The following CADM1 variants were observed in gnomAD, a reference collection of about 807,000 sequenced individuals.
CADM1 encodes TSLC-1.
CADM1 carries 15 observed loss-of-function variants against 53.1 expected under a neutral mutation model. The observed-to-expected ratio is 0.28, with a 90% CI of 0.19 to 0.44. CADM1 has a LOEUF of 0.44. Ranked by LOEUF, CADM1 falls within the 20% of genes least tolerant of loss-of-function variation. CADM1 has a pLI of 1.00. For synonymous variants in CADM1, 281 were observed against 243.0 expected (o/e 1.16, Z -1.45); for missense variants, 434 against 611.3 (o/e 0.71, Z 3.06).
In CADM1 at chr11:115,176,408, A is replaced by G. The variant is rs1445765121; in HGVS notation, c.*66T>C. ...ACACACGAATTTCTCGCAAGTTCCA[A>G]TATCACTGTCTCTTTATCATCTAAA... On this transcript the variant is annotated 3_prime_UTR_variant, in exon 12 of 12. Transcript: ENST00000331581. 20 of 1,609,046 alleles carry G rather than the reference A, an allele frequency of 1.2e-5. No homozygotes were observed. Among genetic ancestry groups the G allele is most frequent in the African/African-American group, 9.3e-5 (7 of 74,922 alleles).
intron 1 of CADM1, among the ~76,000 whole-genome samples, chr11:115,273,346 C>G (rs1168150639): frequency 6.6e-6 from 1 of 152,118 alleles, no homozygotes; most frequent in East Asian, 1.9e-4. Context: ...AATTCAGAAA[C>G]ATCTCTTAAA....
intron 1 of CADM1, among the ~76,000 whole-genome samples, chr11:115,379,591 T>C (rs1268775461): frequency 6.6e-6 from 1 of 152,218 alleles, no homozygotes; most frequent in African/African-American, 2.4e-5. Context: ...CCAATAAAGC[T>C]AAGCCCCTTA....
rs12287015 is a variant in CADM1, at chr11:115,405,406, G to A, written c.124+98865C>T. Reference sequence around the variant, plus strand: ...TGCTACCAGCCATGAGCACAATCACGTGGGAGAGCTTTATCCAAGAAAGCC... The same window carrying A: ...TGCTACCAGCCATGAGCACAATCACATGGGAGAGCTTTATCCAAGAAAGCC... On this transcript the variant is annotated intron_variant, in intron 1 of 11. Transcript: ENST00000331581. Among the ~76,000 whole-genome samples, 936 of 152,226 alleles carry A rather than the reference G, an allele frequency of 6.1e-3. 10 individuals carry two copies. Among genetic ancestry groups the A allele is most frequent in the African/African-American group, 0.021 (889 of 41,534 alleles).
intron 1 of CADM1, among the ~76,000 whole-genome samples, chr11:115,458,588 AG>A (rs1948729986): frequency 6.6e-6 from 1 of 151,400 alleles, no homozygotes; most frequent in Non-Finnish European, 1.5e-5. Context: ...GCTAGACAAA[AG>A]TCCCTGGAAT....
At chr11:115,456,035 T>C (rs1435746566) in intron 1 of CADM1, among the ~76,000 whole-genome samples, 2 of 152,182 alleles carry the variant, frequency 1.3e-5, no homozygotes, top group Admixed American at 1.3e-4. Context: ...GTGATTAGTT[T>C]CTCTCCTGAG....
At chr11:115,335,729 T>C (rs1945251047) in intron 1 of CADM1, among the ~76,000 whole-genome samples, 1 of 152,170 alleles carries the variant, frequency 6.6e-6, no homozygotes, top group African/African-American at 2.4e-5. Flanking sequence ...CACTGAGTTA[T>C]GCAGCACTCT....
intron 1 of CADM1, among the ~76,000 whole-genome samples, chr11:115,246,914 T>C (rs1468442634): frequency 6.6e-6 from 1 of 152,212 alleles, no homozygotes; most frequent in Non-Finnish European, 1.5e-5. Context: ...AATTTTTGAA[T>C]GGCAAGTTTA....
rs1224104810 is a variant in CADM1 at position 115,214,695 on chromosome 11, G to C, written c.907C>G (p.Leu303Val). 1 of 1,613,844 alleles carries C rather than the reference G, an allele frequency of 6.2e-7. No individual in the cohort carries two copies. The highest frequency in any genetic ancestry group is 1.3e-5 in the African/African-American group (1 of 74,894). ...TATGTACCATTATCTGTTTTGTTTA[G>C]GTTATTGATGAACAGGTTGGGCCCA... is the stretch of plus-strand genomic sequence containing the variant. ...LSGPNLFINNLNKTDNGTYRC... is the reference protein window; with the variant it reads ...LSGPNLFINNVNKTDNGTYRC... The change falls in exon 7 of 12, where the codon CTA becomes GTA. Residue 303 changes from leucine (L) to valine (V), a missense_variant. Around this residue, in one of 4 missense-constraint regions of CADM1, gnomAD observed 311 missense variants for 435.1 expected, o/e 0.71. Transcript: ENST00000331581.
rs138666263 is a variant in CADM1, at chr11:115,285,328, G to A, written c.125-44908C>T. 4.8e-3 allele frequency among the ~76,000 whole-genome samples: 736 copies of A among 152,286 alleles called. 4 individuals are homozygous for A. Among genetic ancestry groups the A allele is most frequent in the African/African-American group, 0.016 (667 of 41,550 alleles). The stretch of plus-strand genomic sequence containing the variant: ...ATATAGCTCATAATATGTAAACTTC[G>A]TTGTGTACCTACTCTGTGCTACAAA... On this transcript the variant is annotated intron_variant, in intron 1 of 11. Transcript: ENST00000331581.
intron 1 of CADM1, among the ~76,000 whole-genome samples, chr11:115,354,859 A>G (rs1214845932): frequency 2.0e-5 from 3 of 152,150 alleles, no homozygotes; most frequent in Non-Finnish European, 4.4e-5. Context: ...ATTAGTAATA[A>G]TTAACTTAAT....
At chr11:115,414,371 T>C (rs1191907311) in intron 1 of CADM1, among the ~76,000 whole-genome samples, 1 of 152,094 alleles carries the variant, frequency 6.6e-6, no homozygotes, top group African/African-American at 2.4e-5. Context: ...CAGAAACCAC[T>C]TAAAAAATTA....
intron 1 of CADM1, among the ~76,000 whole-genome samples, chr11:115,391,704 T>C (rs1017221234): frequency 2.0e-5 from 3 of 152,182 alleles, no homozygotes; most frequent in African/African-American, 7.2e-5. Flanking sequence ...GAAATCTCAC[T>C]CCACCCTCAG....
At chr11:115,434,001 C>T (rs569316283) in intron 1 of CADM1, among the ~76,000 whole-genome samples, 5 of 152,238 alleles carry the variant, frequency 3.3e-5, no homozygotes, top group African/African-American at 1.2e-4. Flanking sequence ...AATTTTAATG[C>T]TAAGATCTTT....
At chr11:115,251,413 G>A (rs1349210655) in intron 1 of CADM1, among the ~76,000 whole-genome samples, 1 of 150,380 alleles carries the variant, frequency 6.6e-6, no homozygotes, top group African/African-American at 2.4e-5. Flanking sequence ...CAGAGTGAAT[G>A]TCAGTTTCAA....
chr11:115,364,718 T>C (rs1946114978), intron 1 of CADM1, among the ~76,000 whole-genome samples: 1 of 152,212 alleles, frequency 6.6e-6, no homozygotes, highest in African/African-American at 2.4e-5. Context: ...ACCTCTGCAA[T>C]TTTATTTCAC....
At chr11:115,417,698 C>G (rs904473492) in intron 1 of CADM1, among the ~76,000 whole-genome samples, 3 of 152,086 alleles carry the variant, frequency 2.0e-5, no homozygotes, top group Admixed American at 1.3e-4. Flanking sequence ...AGTGGGATGG[C>G]TTGAGATTTC....
rs149785203 is a variant in CADM1 at position 115,373,326 on chromosome 11, T to C, written c.124+130945A>G. Among the ~76,000 whole-genome samples the C allele has an allele frequency of 5.1e-3, 776 of 152,238 alleles. 10 individuals carry two copies. The highest frequency in any genetic ancestry group is 0.018 in the African/African-American group (744 of 41,530). On this transcript the variant is annotated intron_variant, in intron 1 of 11. Coordinates refer to ENST00000331581, the MANE Select transcript of CADM1 (RefSeq NM_001301043.2). ...TTGGCCAGGCGCACTGGCTCATGCC[T>C]GTAATCCCAGCACTTTGGGAGGCTG...
intron 1 of CADM1, among the ~76,000 whole-genome samples, chr11:115,405,184 C>G (rs1302407490): frequency 6.6e-6 from 1 of 152,148 alleles, no homozygotes; most frequent in Non-Finnish European, 1.5e-5. Context: ...AACTCCTGGC[C>G]TCAAGCCAAC....
At chr11:115,361,271 C>T (rs1269062370) in intron 1 of CADM1, among the ~76,000 whole-genome samples, 1 of 152,118 alleles carries the variant, frequency 6.6e-6, no homozygotes, top group African/African-American at 2.4e-5. Context: ...GGATTCAGGA[C>T]ATTCAGAGCT....
Sources: allele counts gnomAD v4.1 joint callset (sites outside exome capture counted in the v4.1 genomes callset), GRCh38; gene constraint gnomAD v4.1.1; regional missense constraint gnomAD v4.1.1; transcripts MANE v1.5; gene names NCBI Gene and HGNC (gene_info 2026-07-23, HGNC 2026-07-21).